Variants in PAX2 observed in about 807,000 individuals in gnomAD.
The protein encoded by PAX2 is paired box 2.
Under a neutral mutation model 41.7 loss-of-function variants are expected in PAX2, and 9 were observed. That is an observed-to-expected ratio of 0.22 (90% CI 0.13 to 0.38). The LOEUF is 0.38. Among genes scored for constraint, PAX2 ranks in the 10% least tolerant of loss-of-function variants. The probability of loss-of-function intolerance (pLI) is 1.00; values close to 1 mark genes in which losing one functional copy is unlikely to be tolerated. For synonymous variants in PAX2, 221 were observed against 212.7 expected (o/e 1.04, Z -0.34); for missense variants, 418 against 531.6 (o/e 0.79, Z 2.10).
chr10:100,749,451 C>T, intron 1 of PAX2: 1 of 1,256,300 alleles, frequency 8.0e-7, no homozygotes. Flanking sequence ...CATTTTCTCC[C>T]CTCTCCCCTC....
At position 100,748,188 on chromosome 10, in the gene PAX2, C is replaced by G. The variant is rs1436754102; in HGVS notation, c.44-1558C>G. 1.9e-5 allele frequency: 19 copies of G among 985,086 alleles called. No individual in the cohort carries two copies. The highest frequency in any genetic ancestry group is 2.2e-5 in the Non-Finnish European group (18 of 829,878). 61.0% of individuals were successfully genotyped at this position (985,086 alleles called of 1,614,324 possible). A position where few individuals can be genotyped will look rare whatever the true frequency, so the allele number is the denominator to read the frequency against. On this transcript the variant is annotated intron_variant, in intron 1 of 9. Coordinates refer to ENST00000355243, the MANE Select transcript of PAX2 (RefSeq NM_000278.5). This position sits in a 1 kb window ranked among gnomAD's most constrained non-coding sequence, Gnocchi z 5.0. ...GGGCCGGGCCCTGAGCCCGGGGAGG[C>G]TGAATTATTCATCTTTAATCTGCCC...
In PAX2 at chr10:100,746,110, C is replaced by A; in HGVS notation, c.-151C>A. ...AGCCCCAGCGGGGAGCGCAGTGCTG[C>A]GCCCCCCGCCCCCGCGCGCCCCGCA... is the stretch of plus-strand genomic sequence containing the variant. On this transcript the variant is annotated 5_prime_UTR_variant, in exon 1 of 10. Transcript: ENST00000355243. 4 of 1,531,752 alleles carry A rather than the reference C, an allele frequency of 2.6e-6. No homozygotes were observed. The South Asian group carries it at 5.0e-5, about 19-fold the overall frequency. The allele number at this position is 1,531,752 out of a possible 1,614,324, so 94.9% of individuals were successfully genotyped here.
intron 3 of PAX2, among the ~76,000 whole-genome samples, chr10:100,752,097 T>C (rs1193064282): frequency 6.6e-6 from 1 of 152,232 alleles, no homozygotes; most frequent in Non-Finnish European, 1.5e-5. Context: ...TGGTAGAATG[T>C]ACCTTGGCTA....
At chr10:100,809,384 C>A in intron 7 of PAX2, 148 bp downstream of exon 7, 1 of 775,248 alleles carries the variant, frequency 1.3e-6, no homozygotes. Context: ...GCTTCCTGAA[C>A]AGGGGTGTGC....
chr10:100,825,263 A>C (rs1342909234), intron 8 of PAX2, among the ~76,000 whole-genome samples: 1 of 152,178 alleles, frequency 6.6e-6, no homozygotes, highest in Non-Finnish European at 1.5e-5. Context: ...GCTAGTCCCT[A>C]AGAGGAATGG....
At chr10:100,798,186 A>G (rs1589868757) in intron 5 of PAX2, among the ~76,000 whole-genome samples, 1 of 145,242 alleles carries the variant, frequency 6.9e-6, no homozygotes, top group African/African-American at 2.6e-5. Context: ...CATGATCTCA[A>G]CTCACTGCAG....
rs562443571 is a variant in PAX2 at position 100,740,143 on chromosome 10, A to C, written c.25+4410A>C. 6.6e-5 allele frequency among the ~76,000 whole-genome samples: 10 copies of C among 152,296 alleles called. No individual in the cohort carries two copies. In the East Asian group the frequency reaches 1.4e-3, roughly 21 times the overall value. Reference sequence around the variant, plus strand: ...GGGAGAACCAACTTTCTTTGTTTGGAACCGGACCGGACGGGATTTCCTTCC... The same window carrying C: ...GGGAGAACCAACTTTCTTTGTTTGGCACCGGACCGGACGGGATTTCCTTCC... On this transcript the variant is annotated intron_variant, in intron 1 of 9. Coordinates refer to the PAX2 transcript ENST00000679374.
chr10:100,823,573 T>C (rs920024097), intron 7 of PAX2, among the ~76,000 whole-genome samples: 2 of 152,168 alleles, frequency 1.3e-5, no homozygotes, highest in South Asian at 4.1e-4. Context: ...ATGCCTTGCC[T>C]TCCCAAGGAT....
chr10:100,738,384 G>T (rs931243009), intron 1 of PAX2, among the ~76,000 whole-genome samples: 13 of 152,212 alleles, frequency 8.5e-5, no homozygotes, highest in African/African-American at 1.2e-4. Context: ...GGCAAAGGGA[G>T]AGAGGGAGGG....
At chr10:100,753,247 C>T (rs1845507880) in intron 3 of PAX2, among the ~76,000 whole-genome samples, 1 of 152,000 alleles carries the variant, frequency 6.6e-6, no homozygotes, top group Admixed American at 6.6e-5. Context: ...GTCCAGAATC[C>T]TCTCATGGTT....
chr10:100,752,890 G>C (rs928061802), intron 3 of PAX2, among the ~76,000 whole-genome samples: 1 of 152,202 alleles, frequency 6.6e-6, no homozygotes, highest in South Asian at 2.1e-4. Context: ...GTGACCCTAG[G>C]ATCAAGCTCC....
chr10:100,742,638 G>A (rs542285778), upstream of PAX2, among the ~76,000 whole-genome samples: 1 of 152,160 alleles, frequency 6.6e-6, no homozygotes, highest in African/African-American at 2.4e-5. Flanking sequence ...TTAAATTTCC[G>A]CAGGGAGGCG....
chr10:100,793,270 G>T (rs1294880277), intron 5 of PAX2, among the ~76,000 whole-genome samples: 1 of 152,202 alleles, frequency 6.6e-6, no homozygotes, highest in Non-Finnish European at 1.5e-5. Context: ...CAGGCCAGCA[G>T]GACTGCATAC....
chr10:100,764,521 A>G (rs1477095929), intron 3 of PAX2, among the ~76,000 whole-genome samples: 1 of 152,210 alleles, frequency 6.6e-6, no homozygotes, highest in East Asian at 1.9e-4. Context: ...AATGCCAGTG[A>G]GAATCATGGT....
intron 6 of PAX2, among the ~76,000 whole-genome samples, chr10:100,807,996 G>A (rs1467383721): frequency 3.3e-5 from 5 of 152,200 alleles, no homozygotes; most frequent in Admixed American, 6.5e-5. Context: ...GGAGCTGGCC[G>A]AGGCGGGCGG....
chr10:100,775,368 A>G (rs1846351636), intron 3 of PAX2, among the ~76,000 whole-genome samples: 2 of 152,202 alleles, frequency 1.3e-5, no homozygotes, highest in Admixed American at 6.5e-5. Context: ...ACAGGAGGAC[A>G]ATGGATGACC....
upstream of PAX2, among the ~76,000 whole-genome samples, chr10:100,743,431 G>A (rs974691762): frequency 8.5e-5 from 13 of 152,116 alleles, 1 homozygote; most frequent in Admixed American, 7.2e-4. Context: ...TGGAAGGGGG[G>A]GGGTTTACTC....
At chr10:100,762,995 G>T (rs539136878) in intron 3 of PAX2, among the ~76,000 whole-genome samples, 2 of 152,314 alleles carry the variant, frequency 1.3e-5, no homozygotes, top group Non-Finnish European at 2.9e-5. Flanking sequence ...GCTGTATGAG[G>T]TTTTTAAAGG....
At chr10:100,777,384 C>A (rs1846433754) in intron 3 of PAX2, among the ~76,000 whole-genome samples, 1 of 148,256 alleles carries the variant, frequency 6.7e-6, no homozygotes, top group Non-Finnish European at 1.5e-5. Flanking sequence ...CAGGCATGAG[C>A]CACCGCATCT....
Sources: gnomAD v4.1 joint callset for allele counts (sites outside exome capture counted in the v4.1 genomes callset) on GRCh38, gnomAD v4.1.1 for gene constraint, Gnocchi (gnomAD v3.1) non-coding constraint, MANE v1.5 for transcripts, NCBI Gene and HGNC (gene_info 2026-07-23, HGNC 2026-07-21) for gene names.